STARD13: variants seen among roughly 807,000 people sequenced by gnomAD.
STARD13 encodes StAR related lipid transfer domain containing 13, also known as stAR-related lipid transfer protein 13.
Under a neutral mutation model 106.4 loss-of-function variants are expected in STARD13, and 62 were observed. That is an observed-to-expected ratio of 0.58 (90% CI 0.48 to 0.72). The LOEUF (loss-of-function observed/expected upper bound fraction) is 0.72, where lower values mean the gene tolerates loss of function less well. Among genes scored for constraint, STARD13 ranks in the 30% least tolerant of loss-of-function variants. The pLI is 0.00. For missense variants in STARD13, 1,387 were observed against 1,424.0 expected, an observed-to-expected ratio of 0.97 and a Z score of 0.42; for synonymous variants, 565 against 553.0, an observed-to-expected ratio of 1.02 and a Z score of -0.31.
At chr13:33,442,504 T>C in the STARD13 span, among the ~76,000 whole-genome samples, 4 of 152,338 alleles carry the variant, frequency 2.6e-5, no homozygotes, top group Admixed American at 6.5e-5. Flanking sequence ...AAATGTAGAA[T>C]ATTTAAAAGG....
At chr13:33,110,181 T>G in intron 11 of STARD13, 91 bp from the exon 12 acceptor site, 1 of 1,115,370 alleles carries the variant, frequency 9.0e-7, no homozygotes, top group South Asian at 1.4e-5. Context: ...CTATCATACC[T>G]TGCTGGGTGT....
the STARD13 span, among the ~76,000 whole-genome samples, chr13:33,460,223 C>T: frequency 6.6e-6 from 1 of 151,850 alleles, no homozygotes; most frequent in Non-Finnish European, 1.5e-5. Flanking sequence ...CACGATGGCT[C>T]ATGTCTGTAA....
chr13:33,490,563 C>T, the STARD13 span, among the ~76,000 whole-genome samples: 1 of 152,102 alleles, frequency 6.6e-6, no homozygotes, highest in Non-Finnish European at 1.5e-5. Flanking sequence ...AGGAGTTTTG[C>T]CTCCGGCCGC....
At chr13:33,136,062 A>C (rs1300112983) in intron 4 of STARD13, among the ~76,000 whole-genome samples, 2 of 152,072 alleles carry the variant, frequency 1.3e-5, no homozygotes, top group Non-Finnish European at 2.9e-5. Context: ...CAGAGGTTGC[A>C]GTGAGCTGAG....
chr13:33,185,232 C>A (rs1196388864), intron 1 of STARD13, among the ~76,000 whole-genome samples: 1 of 152,182 alleles, frequency 6.6e-6, no homozygotes, highest in Non-Finnish European at 1.5e-5. Flanking sequence ...GCACACAGGC[C>A]ATCAGTGGCT....
chr13:33,151,347 T>G (rs943146313), intron 3 of STARD13, among the ~76,000 whole-genome samples: 1 of 152,074 alleles, frequency 6.6e-6, no homozygotes, highest in East Asian at 1.9e-4. Context: ...AATCTTACCA[T>G]GACAGCAGAA....
the STARD13 span, among the ~76,000 whole-genome samples, chr13:33,675,545 T>G: frequency 1.3e-5 from 2 of 152,140 alleles, no homozygotes; most frequent in African/African-American, 4.8e-5. Context: ...TAAGCCCCTA[T>G]CAAGGATGAG....
the STARD13 span, among the ~76,000 whole-genome samples, chr13:33,517,312 GTTCCTT>G: frequency 6.6e-6 from 1 of 152,116 alleles, no homozygotes; most frequent in Non-Finnish European, 1.5e-5. Flanking sequence ...CCAAAGAAGA[GTTCCTT>G]GGCCCTCATT....
chr13:33,595,047 T>C, the STARD13 span, among the ~76,000 whole-genome samples: 3 of 152,242 alleles, frequency 2.0e-5, no homozygotes, highest in Non-Finnish European at 4.4e-5. Context: ...GATCATATGG[T>C]AATTCTAGTT....
intron 1 of STARD13, among the ~76,000 whole-genome samples, chr13:33,319,072 A>T (rs923121587): frequency 6.6e-6 from 1 of 152,238 alleles, no homozygotes; most frequent in Non-Finnish European, 1.5e-5. Flanking sequence ...AATTAAAAAC[A>T]TTTGTTTATA....
chr13:33,471,911 A>G, the STARD13 span, among the ~76,000 whole-genome samples: 1 of 152,256 alleles, frequency 6.6e-6, no homozygotes, highest in Non-Finnish European at 1.5e-5. Flanking sequence ...CTTTCTTTAT[A>G]AGTACTTTAT....
chr13:33,123,970 A>C (rs1876761405), intron 7 of STARD13, among the ~76,000 whole-genome samples: 1 of 152,192 alleles, frequency 6.6e-6, no homozygotes, highest in Admixed American at 6.5e-5. Context: ...TGAGGCTGAG[A>C]TCTCAAGGCC....
intron 1 of STARD13, among the ~76,000 whole-genome samples, chr13:33,211,827 A>ATGTG (rs1215767146): frequency 2.7e-5 from 4 of 147,054 alleles, no homozygotes; most frequent in African/African-American, 7.6e-5. Flanking sequence ...GTGTGTGTGT[A>ATGTG]TGTGTGTGTG....
chr13:33,319,215 A>T (rs1281626783), intron 1 of STARD13, among the ~76,000 whole-genome samples: 2 of 152,246 alleles, frequency 1.3e-5, no homozygotes, highest in Admixed American at 1.3e-4. Flanking sequence ...ATTCAGTAAT[A>T]AAAAGGAATG....
At chr13:33,137,628 C>T (rs187664759) in intron 4 of STARD13, among the ~76,000 whole-genome samples, 89 of 152,240 alleles carry the variant, frequency 5.8e-4, no homozygotes, top group Non-Finnish European at 5.4e-4. Context: ...GTGAAGAGCT[C>T]GTCATGTTGA....
chr13:33,237,778 T>A (rs1325071278), intron 1 of STARD13, among the ~76,000 whole-genome samples: 3 of 152,238 alleles, frequency 2.0e-5, no homozygotes, highest in Admixed American at 6.5e-5. Flanking sequence ...CTGAAATGAT[T>A]TTTGCCTTTA....
the STARD13 span, among the ~76,000 whole-genome samples, chr13:33,538,621 A>G: frequency 9.5e-4 from 142 of 150,080 alleles, 1 homozygote; most frequent in African/African-American, 3.2e-3. Flanking sequence ...AAAAAACACC[A>G]CTCAGAGCCC....
chr13:33,495,921 A>G, the STARD13 span, among the ~76,000 whole-genome samples: 18 of 144,196 alleles, frequency 1.2e-4, no homozygotes, highest in African/African-American at 4.3e-4. Context: ...TTATATAGTT[A>G]TATATTATTG....
At chr13:33,557,384 G>A in the STARD13 span, among the ~76,000 whole-genome samples, 1 of 151,868 alleles carries the variant, frequency 6.6e-6, no homozygotes, top group Non-Finnish European at 1.5e-5. Flanking sequence ...TATAAATCTG[G>A]GAAAAAAATC....
Sources: gnomAD v4.1 joint callset for allele counts (sites outside exome capture counted in the v4.1 genomes callset) on GRCh38, gnomAD v4.1.1 for gene constraint, MANE v1.5 for transcripts, NCBI Gene and HGNC (gene_info 2026-07-23, HGNC 2026-07-21) for gene names.